SCG3: variants seen among roughly 807,000 people sequenced by gnomAD.
SCG3 encodes secretogranin III.
A neutral mutation model predicts 56.2 loss-of-function variants in SCG3; 38 were observed. That is an observed-to-expected ratio of 0.68 (90% CI 0.52 to 0.89). The LOEUF is 0.89. Among genes scored for constraint, SCG3 ranks in the 40% least tolerant of loss-of-function variants. SCG3 has a pLI of 0.00. For missense variants in SCG3, 524 were observed against 540.7 expected, an observed-to-expected ratio of 0.97 and a Z score of 0.31; for synonymous variants, 176 against 184.2, an observed-to-expected ratio of 0.96 and a Z score of 0.36.
At chr15:51,712,902 G>A (rs1395292035) in intron 10 of SCG3, among the ~76,000 whole-genome samples, 3 of 152,192 alleles carry the variant, frequency 2.0e-5, no homozygotes, top group Non-Finnish European at 4.4e-5. Context: ...TAACTGAAGT[G>A]ATGGAATCTT....
chr15:51,696,820 G>A (rs2055306653), intron 8 of SCG3, among the ~76,000 whole-genome samples: 1 of 152,008 alleles, frequency 6.6e-6, no homozygotes, highest in South Asian at 2.1e-4. Context: ...CTAAACCATT[G>A]GTGAGAAATC....
chr15:51,701,444 T>G (rs536557558), intron 10 of SCG3, among the ~76,000 whole-genome samples, 200 bp downstream of exon 10: 1 of 152,234 alleles, frequency 6.6e-6, no homozygotes, highest in Admixed American at 6.5e-5. Context: ...GATGGCAAAC[T>G]GATTTCATCT....
chr15:51,717,555 A>AC (rs1030910268), intron 11 of SCG3, among the ~76,000 whole-genome samples: 4 of 151,284 alleles, frequency 2.6e-5, no homozygotes, highest in Admixed American at 2.0e-4. Context: ...AAAGAAAAAA[A>AC]AAGGATTGCT....
chr15:51,686,701 T>TTGTTTGTA (rs759176531), intron 4 of SCG3, among the ~76,000 whole-genome samples: 2 of 146,220 alleles, frequency 1.4e-5, no homozygotes, highest in Non-Finnish European at 2.9e-5. Flanking sequence ...GTTTGTTTGT[T>TTGTTTGTA]TGTATGTTTG....
intron 8 of SCG3, among the ~76,000 whole-genome samples, chr15:51,697,511 G>C (rs184493181): frequency 3.9e-4 from 60 of 152,322 alleles, no homozygotes; most frequent in African/African-American, 1.3e-3. Context: ...CACATTTCAA[G>C]TGCCCAGTTG....
At chr15:51,700,097 A>G (rs1403472536) in intron 9 of SCG3, among the ~76,000 whole-genome samples, 1 of 152,244 alleles carries the variant, frequency 6.6e-6, no homozygotes, top group Non-Finnish European at 1.5e-5. Flanking sequence ...TTATATACAT[A>G]TTCTTGATGG....
At chr15:51,711,053 T>C (rs942332192) in intron 10 of SCG3, among the ~76,000 whole-genome samples, 2 of 152,070 alleles carry the variant, frequency 1.3e-5, no homozygotes, top group South Asian at 4.1e-4. Flanking sequence ...ATATAAGGTG[T>C]GATAATGAGC....
rs768811983 is a variant in SCG3 at position 51,701,065 on chromosome 15, T to C, written c.1070-42T>C. 3.1e-6 allele frequency: 5 copies of C among 1,604,674 alleles called. No homozygotes were observed. In the South Asian group the frequency reaches 3.4e-5, roughly 11 times the overall value. ...TCTACTTTAGGAACCAATTAATAGA[T>C]AGGAAACAGGGCTATGACAACAATG... On this transcript the variant is annotated intron_variant, in intron 9 of 11. Coordinates refer to ENST00000220478, the MANE Select transcript of SCG3 (RefSeq NM_013243.4).
At position 51,704,764 on chromosome 15, in the gene SCG3, C is replaced by CATACATATAT. The variant is rs572035996; in HGVS notation, c.1207+3523_1207+3524insCATATATATA. On this transcript the variant is annotated intron_variant, in intron 10 of 11. Coordinates refer to ENST00000220478, the MANE Select transcript of SCG3 (RefSeq NM_013243.4). ...TACCTTTTGGCTGTTGTGAGTAATA[C>CATACATATAT]ATATATATATATATATATATATATA... Among the ~76,000 whole-genome samples the CATACATATAT allele has an allele frequency of 2.8e-3, 191 of 67,040 alleles. 4 individuals are homozygous for CATACATATAT. The highest frequency in any genetic ancestry group is 0.014 in the Middle Eastern group (1 of 72). 44.0% of individuals were successfully genotyped at this position (67,040 alleles called of 152,430 possible).
At chr15:51,709,699 A>ATTTTTTTT (rs2055404198) in intron 10 of SCG3, among the ~76,000 whole-genome samples, 2 of 18,424 alleles carry the variant, frequency 1.1e-4, no homozygotes, top group Non-Finnish European at 1.8e-4. Context: ...ATATATATAT[A>ATTTTTTTT]TATTTTTTTT....
chr15:51,715,182 T>C (rs761720994), intron 11 of SCG3: 2 of 152,236 alleles, frequency 1.3e-5, no homozygotes, highest in African/African-American at 2.4e-5. Context: ...TGGTGAAGCA[T>C]AGAACTCTGG....
At chr15:51,713,137 G>A (rs560238123) in intron 10 of SCG3, 196 bp from the exon 11 acceptor site, 8 of 386,212 alleles carry the variant, frequency 2.1e-5, no homozygotes, top group Admixed American at 2.0e-4. Context: ...ATCCGCACCT[G>A]CTCTCCTTGA....
Position 51,716,124 on chromosome 15 carries a change from T to C in SCG3, c.1288+2711T>C, listed in dbSNP as rs529881335. On this transcript the variant is annotated intron_variant, in intron 11 of 11. Transcript: ENST00000220478. Reference sequence around the variant, plus strand: ...CGCCTGCCTCGGCCTCCCAAAGTGTTGGGATTACAGGTGTGAGCCACCGCG... The same window carrying C: ...CGCCTGCCTCGGCCTCCCAAAGTGTCGGGATTACAGGTGTGAGCCACCGCG... 3.3e-5 allele frequency among the ~76,000 whole-genome samples: 5 copies of C among 152,332 alleles called. No individual in the cohort carries two copies. In the South Asian group the frequency reaches 8.3e-4, roughly 25 times the overall value.
At chr15:51,701,831 A>G (rs2055341156) in intron 10 of SCG3, among the ~76,000 whole-genome samples, 1 of 152,096 alleles carries the variant, frequency 6.6e-6, no homozygotes, top group African/African-American at 2.4e-5. Flanking sequence ...TCTTGAGTTC[A>G]GGACGTGGAG....
In SCG3 at chr15:51,695,877, AAAG is replaced by A. The variant is rs1474679096; in HGVS notation, c.875_877del (p.Glu292del). ...AGTTATTTTGTTCTTTCATATAGAA[AAAG>A]AAGCAAAAGAGAAAGAAACACTGAT... On this transcript the variant is annotated inframe_deletion, in exon 8 of 12. Coordinates refer to ENST00000220478, the MANE Select transcript of SCG3 (RefSeq NM_013243.4). 2 of 1,573,340 alleles carry A rather than the reference AAAG, an allele frequency of 1.3e-6. No homozygotes were observed. The highest frequency in any genetic ancestry group is 2.7e-5 in the African/African-American group (2 of 73,788).
At chr15:51,699,837 G>C (rs1284670710) in intron 9 of SCG3, among the ~76,000 whole-genome samples, 1 of 151,950 alleles carries the variant, frequency 6.6e-6, no homozygotes, top group Non-Finnish European at 1.5e-5. Context: ...GGGATGGTCT[G>C]TGCCCCTAGG....
rs143739897 is a variant in SCG3 at position 51,694,446 on chromosome 15, A to G, written c.869-1429A>G. On this transcript the variant is annotated intron_variant, in intron 7 of 11. Coordinates refer to ENST00000220478, the MANE Select transcript of SCG3 (RefSeq NM_013243.4). ...CAAGTGGAAAAAAAGAAAGATTCCAAATCCCCACCAGTTGAGAAACATAGG... is the reference window on the plus strand; with the variant it reads ...CAAGTGGAAAAAAAGAAAGATTCCAGATCCCCACCAGTTGAGAAACATAGG... Among the ~76,000 whole-genome samples, 64 of 152,266 alleles carry G rather than the reference A, an allele frequency of 4.2e-4. 1 individual carries two copies. Among genetic ancestry groups the G allele is most frequent in the African/African-American group, 1.4e-3 (58 of 41,538 alleles).
At chr15:51,692,052 G>A (rs2055270387) in intron 6 of SCG3, 107 bp from the exon 7 acceptor site, 3 of 1,048,612 alleles carry the variant, frequency 2.9e-6, no homozygotes, top group East Asian at 2.5e-5. Flanking sequence ...AAACGAGGGG[G>A]AATTCTTGCA....
chr15:51,693,994 T>G (rs769458220), intron 7 of SCG3: 1 of 152,230 alleles, frequency 6.6e-6, no homozygotes, highest in African/African-American at 2.4e-5. Context: ...TTCCAAGACC[T>G]CTTCCCCTGA....
Sources: gnomAD v4.1 joint callset for allele counts (sites outside exome capture counted in the v4.1 genomes callset) on GRCh38, gnomAD v4.1.1 for gene constraint, MANE v1.5 for transcripts, NCBI Gene and HGNC (gene_info 2026-07-23, HGNC 2026-07-21) for gene names.